Variants in APBA2 observed in about 807,000 individuals in gnomAD.
APBA2 encodes the protein amyloid-beta A4 precursor protein-binding family A member 2.
In APBA2, 30 loss-of-function variants were observed where a neutral mutation model predicts 75.0. The ratio of observed to expected loss-of-function variants is 0.40; its 90% confidence interval spans 0.30 to 0.54. The LOEUF (loss-of-function observed/expected upper bound fraction) is 0.54, where lower values mean the gene tolerates loss of function less well. Among genes scored for constraint, APBA2 ranks in the 20% least tolerant of loss-of-function variants. The probability of loss-of-function intolerance (pLI) is 0.49; values close to 1 mark genes in which losing one functional copy is unlikely to be tolerated. For missense variants in APBA2, 801 were observed against 1,016.1 expected (o/e 0.79, Z 2.88); for synonymous variants, 444 against 409.6 (o/e 1.08, Z -1.01).
Position 29,078,587 on chromosome 15 carries a change from G to A in APBA2, c.1069+2496G>A, listed in dbSNP as rs192464986. 5.5e-3 allele frequency among the ~76,000 whole-genome samples: 840 copies of A among 151,360 alleles called. 10 individuals are homozygous for A. The highest frequency in any genetic ancestry group is 8.7e-3 in the Non-Finnish European group (588 of 67,808). ...GATCATGCCACTGTACTCCAGCCTGGGCGGCAGAGCAAGACTCCATCTCAA... is the reference window on the plus strand; with the variant it reads ...GATCATGCCACTGTACTCCAGCCTGAGCGGCAGAGCAAGACTCCATCTCAA... On this transcript the variant is annotated intron_variant, in intron 6 of 14. Coordinates refer to ENST00000683413, the MANE Select transcript of APBA2 (RefSeq NM_001353788.2).
At chr15:29,070,144 T>G (rs2152918882) in intron 4 of APBA2, among the ~76,000 whole-genome samples, 1 of 149,504 alleles carries the variant, frequency 6.7e-6, no homozygotes, top group African/African-American at 2.6e-5. Context: ...TTTTTCAAGA[T>G]GAAAAAACTT....
intron 2 of APBA2, among the ~76,000 whole-genome samples, chr15:28,960,061 C>G (rs1364592852): frequency 6.7e-6 from 1 of 149,354 alleles, no homozygotes; most frequent in East Asian, 2.0e-4. Context: ...GGGAGGATTG[C>G]TTGAGCCCAG....
At chr15:29,076,119 AG>A (rs1252919554) in intron 6 of APBA2, 28 bp downstream of exon 6, 1 of 1,611,982 alleles carries the variant, frequency 6.2e-7, no homozygotes, top group Non-Finnish European at 8.5e-7. Context: ...TTATTTCTCA[AG>A]GGGCAGTTGC....
intron 3 of APBA2, among the ~76,000 whole-genome samples, chr15:29,032,205 T>C (rs571633162): frequency 1.3e-5 from 2 of 152,280 alleles, no homozygotes; most frequent in Non-Finnish European, 2.9e-5. Flanking sequence ...GTGTTAACTT[T>C]GCCCAGCTCT....
Position 29,054,204 on chromosome 15 carries a change from A to T in APBA2, c.320A>T (p.Asp107Val). ...TACTACATCCGCTACTGCCCTGAGGACGACAGCTACCTAGAGGGCATGGAC... is the reference window on the plus strand; with the variant it reads ...TACTACATCCGCTACTGCCCTGAGGTCGACAGCTACCTAGAGGGCATGGAC... ...ITYYIRYCPEDDSYLEGMDCN... is the reference protein window; with the variant it reads ...ITYYIRYCPEVDSYLEGMDCN... The change falls in exon 4 of 15, where the codon GAC becomes GTC. Residue 107 changes from aspartate (D) to valine (V), a missense_variant. Physicochemically the swap from Asp to Val is radical, Grantham distance 152 (BLOSUM62 -3). Coordinates refer to ENST00000683413, the MANE Select transcript of APBA2 (RefSeq NM_001353788.2). This position sits in a 1 kb window ranked among gnomAD's most constrained non-coding sequence, Gnocchi z 6.1. 6.2e-7 allele frequency: 1 copy of T among 1,614,170 alleles called. No homozygotes were observed. Among genetic ancestry groups the T allele is most frequent in the Non-Finnish European group, 8.5e-7 (1 of 1,180,012 alleles).
intron 4 of APBA2, among the ~76,000 whole-genome samples, chr15:29,072,077 G>T (rs563461874): frequency 6.6e-6 from 1 of 152,270 alleles, no homozygotes; most frequent in East Asian, 1.9e-4. Flanking sequence ...GACTTATCTG[G>T]CCGCCTGATG....
rs560553311 is a variant in APBA2 at position 29,099,140 on chromosome 15, C to T, written c.1338+564C>T. Among the ~76,000 whole-genome samples the T allele has an allele frequency of 5.8e-4, 88 of 152,126 alleles. 1 individual carries two copies. The highest frequency in any genetic ancestry group is 1.1e-3 in the Non-Finnish European group (73 of 68,020). On this transcript the variant is annotated intron_variant, in intron 9 of 14. Coordinates refer to ENST00000683413, the MANE Select transcript of APBA2 (RefSeq NM_001353788.2). ...TGCCAGGGCTCAGGCACTGGGCTTGCGACGCTTCACAGACTTTGACTTCAT... is the reference window on the plus strand; with the variant it reads ...TGCCAGGGCTCAGGCACTGGGCTTGTGACGCTTCACAGACTTTGACTTCAT...
chr15:28,975,526 A>G (rs2037290572), intron 2 of APBA2, among the ~76,000 whole-genome samples: 1 of 152,220 alleles, frequency 6.6e-6, no homozygotes, highest in Admixed American at 6.5e-5. Flanking sequence ...CTAAATAGGT[A>G]GTTACCAGAA....
chr15:29,114,837 A>C (rs1189047231), intron 14 of APBA2, among the ~76,000 whole-genome samples: 1 of 139,340 alleles, frequency 7.2e-6, no homozygotes, highest in Non-Finnish European at 1.6e-5. Flanking sequence ...TGTGTGTGAG[A>C]GCATGGGGTG....
intron 10 of APBA2, among the ~76,000 whole-genome samples, chr15:29,105,178 G>A (rs2044331183): frequency 6.6e-6 from 1 of 152,210 alleles, no homozygotes; most frequent in Non-Finnish European, 1.5e-5. Context: ...GTTCGCTCAC[G>A]GTGGAGTGCT....
chr15:29,060,101 C>G (rs2042067871), intron 4 of APBA2, among the ~76,000 whole-genome samples: 1 of 152,174 alleles, frequency 6.6e-6, no homozygotes, highest in Non-Finnish European at 1.5e-5. Flanking sequence ...TCAGCAACCC[C>G]AAATGGTGAT....
intron 2 of APBA2, among the ~76,000 whole-genome samples, chr15:28,942,879 G>A (rs543127613): frequency 1.3e-5 from 2 of 152,294 alleles, no homozygotes; most frequent in East Asian, 1.9e-4. Flanking sequence ...TGTCCCCGAG[G>A]CCCGTGGCCG....
rs777224886 is a variant in APBA2 at position 29,054,658 on chromosome 15, T to TGAG, written c.777_779dup (p.Glu259dup). On this transcript the variant is annotated inframe_insertion, in exon 4 of 15. Transcript: ENST00000683413. The surrounding 1 kb of genome is among the most constrained non-coding windows in gnomAD (Gnocchi z 6.1). ...CCGAGCATGGGCCTGAGCCAGGGCC[T>TGAG]GAGGACTCTGTAGAGGCCTGCCCAC... 3 of 1,614,096 alleles carry TGAG rather than the reference T, an allele frequency of 1.9e-6. No homozygotes were observed. In the Admixed American group the frequency reaches 5.0e-5, roughly 27 times the overall value.
chr15:28,966,631 G>T (rs775838063), intron 2 of APBA2, among the ~76,000 whole-genome samples: 8 of 152,022 alleles, frequency 5.3e-5, no homozygotes, highest in Non-Finnish European at 1.2e-4. Flanking sequence ...AATCCATTCT[G>T]CCAATGTCTG....
At chr15:28,917,035 A>C (rs1222254047) in intron 1 of APBA2, among the ~76,000 whole-genome samples, 1 of 152,156 alleles carries the variant, frequency 6.6e-6, no homozygotes, top group Non-Finnish European at 1.5e-5. Context: ...GCAAAAAAGC[A>C]ATTCTCTGCC....
intron 6 of APBA2, among the ~76,000 whole-genome samples, chr15:29,077,857 C>T (rs1054230078): frequency 2.6e-5 from 4 of 152,190 alleles, no homozygotes; most frequent in Non-Finnish European, 5.9e-5. Flanking sequence ...AGGAAGAGAT[C>T]ATCATAATGG....
chr15:28,994,139 A>G (rs1373854135), intron 2 of APBA2, among the ~76,000 whole-genome samples: 2 of 152,336 alleles, frequency 1.3e-5, no homozygotes, highest in South Asian at 2.1e-4. Context: ...AGGGAATACT[A>G]TTTGATGCTA....
intron 2 of APBA2, among the ~76,000 whole-genome samples, chr15:28,967,727 C>T (rs61336949): frequency 0.022 from 3,320 of 152,252 alleles, 153 homozygotes; most frequent in East Asian, 0.16. Flanking sequence ...TGTGAGCCTC[C>T]GCGCCCGGCC....
At chr15:28,957,501 TA>T (rs2152732162) in intron 2 of APBA2, among the ~76,000 whole-genome samples, 1 of 152,380 alleles carries the variant, frequency 6.6e-6, no homozygotes, top group African/African-American at 2.4e-5. Context: ...CACACCATTT[TA>T]CATTCCTACC....
Sources: allele counts gnomAD v4.1 joint callset (sites outside exome capture counted in the v4.1 genomes callset), GRCh38; gene constraint gnomAD v4.1.1; non-coding constraint Gnocchi (gnomAD v3.1); transcripts MANE v1.5; gene names NCBI Gene and HGNC (gene_info 2026-07-23, HGNC 2026-07-21).